The following CLUL1 variants were observed in gnomAD, a reference collection of about 807,000 sequenced individuals.
CLUL1 encodes the protein clusterin like 1, also known as clusterin-like protein 1.
CLUL1 carries 43 observed loss-of-function variants against 49.4 expected under a neutral mutation model. The ratio of observed to expected loss-of-function variants is 0.87; its 90% confidence interval spans 0.68 to 1.12. CLUL1 has a LOEUF of 1.12. CLUL1 is among the 50% of genes most tolerant of loss of function. The pLI is 0.00. For synonymous variants in CLUL1, 192 were observed against 184.9 expected (o/e 1.04, Z -0.31); for missense variants, 486 against 544.4 (o/e 0.89, Z 1.07).
At chr18:621,510 A>G (rs537971911) in intron 4 of CLUL1, among the ~76,000 whole-genome samples, 1 of 152,304 alleles carries the variant, frequency 6.6e-6, no homozygotes, top group African/African-American at 2.4e-5. Context: ...GATTTTGAGG[A>G]AATCTAAAAT....
At chr18:617,287 T>A (rs1249276197) in intron 2 of CLUL1, among the ~76,000 whole-genome samples, 1 of 152,122 alleles carries the variant, frequency 6.6e-6, no homozygotes, top group Non-Finnish European at 1.5e-5. Context: ...AAAACTCACT[T>A]GAGAACATAG....
intron 4 of CLUL1, among the ~76,000 whole-genome samples, chr18:622,507 A>C (rs1212291426): frequency 6.6e-6 from 1 of 152,196 alleles, no homozygotes; most frequent in East Asian, 1.9e-4. Context: ...ATAGGAATAG[A>C]GTTATAAGCG....
chr18:633,453 TG>T lies in CLUL1; in HGVS notation c.994+19del. Reference sequence around the variant, plus strand: ...ATCTGAAGGTAAATAATTGCTATTTTGTTTTTTATTCTACTTTAAGTTCTCA... The same window carrying T: ...ATCTGAAGGTAAATAATTGCTATTTTTTTTTTATTCTACTTTAAGTTCTCA... On this transcript the variant is annotated intron_variant, in intron 7 of 9. Transcript: ENST00000692774. 6.2e-7 allele frequency: 1 copy of T among 1,605,584 alleles called. No homozygotes were observed. The highest frequency in any genetic ancestry group is 8.5e-7 in the Non-Finnish European group (1 of 1,173,936).
chr18:636,979 GTTTTGT>G (rs2074158120), intron 7 of CLUL1, among the ~76,000 whole-genome samples: 2 of 146,088 alleles, frequency 1.4e-5, no homozygotes, highest in Non-Finnish European at 3.0e-5. Context: ...TTTTTGTTTT[GTTTTGT>G]TTTTGTTTTT....
intron 2 of CLUL1, among the ~76,000 whole-genome samples, chr18:607,823 G>C (rs2073022203): frequency 6.6e-6 from 1 of 152,120 alleles, no homozygotes; most frequent in Non-Finnish European, 1.5e-5. Context: ...CAGCCTCCTT[G>C]AGTAGCTGGG....
chr18:611,161 G>A (rs2073122778), intron 2 of CLUL1, among the ~76,000 whole-genome samples: 1 of 150,776 alleles, frequency 6.6e-6, no homozygotes. Context: ...AGAGCCCTGT[G>A]CCACCTATTA....
intron 6 of CLUL1, among the ~76,000 whole-genome samples, chr18:630,148 A>G (rs1057414976): frequency 3.0e-4 from 46 of 152,164 alleles, no homozygotes; most frequent in African/African-American, 1.0e-3. Flanking sequence ...TTGCTCTGTC[A>G]CCCAGGCTGG....
chr18:627,451 G>A lies in CLUL1; in HGVS notation c.778G>A (p.Val260Ile). 1 of 1,613,822 alleles carries A rather than the reference G, an allele frequency of 6.2e-7. No individual in the cohort carries two copies. The highest frequency in any genetic ancestry group is 8.5e-7 in the Non-Finnish European group (1 of 1,179,726). The change falls in exon 6 of 10, where the codon GTC (valine) becomes ATC (isoleucine). Residue 260 changes from valine (V) to isoleucine (I), a missense_variant. Transcript: ENST00000692774. ...NFFQLFCNFS[V>I]SIYESVSETI... ...CTTCCAGCTGTTTTGTAATTTCAGTGTCTCTATTTATGAAAGTGTCAGTGA... is the reference window on the plus strand; with the variant it reads ...CTTCCAGCTGTTTTGTAATTTCAGTATCTCTATTTATGAAAGTGTCAGTGA...
intron 2 of CLUL1, chr18:614,781 T>A (rs1466348133): frequency 6.6e-6 from 1 of 152,240 alleles, no homozygotes; most frequent in East Asian, 1.9e-4. Context: ...ACCACTGTCA[T>A]TGTATCCTGG....
chr18:627,422 A>G lies in CLUL1; in HGVS notation c.749A>G (p.Asn250Ser). The G allele has an allele frequency of 6.2e-7, 1 of 1,614,078 alleles. No individual in the cohort carries two copies. Among genetic ancestry groups the G allele is most frequent in the Non-Finnish European group, 8.5e-7 (1 of 1,179,934 alleles). ...ADLEQCWDIP[N>S]FFQLFCNFSV... ...CTTGAGCAATGTTGGGACATTCCCA[A>G]CTTCTTCCAGCTGTTTTGTAATTTC... Residue 250 changes from asparagine to serine, a missense_variant, in exon 6 of 10, where the codon AAC (asparagine) becomes AGC (serine). Physicochemically the swap from Asn to Ser is conservative, Grantham distance 46 (BLOSUM62 1). Transcript: ENST00000692774.
At chr18:631,313 G>T (rs1243657315) in intron 6 of CLUL1, among the ~76,000 whole-genome samples, 1 of 152,114 alleles carries the variant, frequency 6.6e-6, no homozygotes, top group Non-Finnish European at 1.5e-5. Flanking sequence ...ATCTTCATTT[G>T]CCTTATGAAT....
At chr18:646,493 G>GACACAC (rs1305065837) in intron 9 of CLUL1, among the ~76,000 whole-genome samples, 1 of 104,412 alleles carries the variant, frequency 9.6e-6, no homozygotes, top group African/African-American at 3.4e-5. Flanking sequence ...AAGACAGATA[G>GACACAC]ATAGACACAC....
chr18:621,460 A>G (rs1312597072), intron 4 of CLUL1, among the ~76,000 whole-genome samples: 2 of 152,220 alleles, frequency 1.3e-5, no homozygotes. Flanking sequence ...ATGCCTGACC[A>G]GCAGCTGCAA....
chr18:620,013 A>AG (rs1213577272), intron 4 of CLUL1, among the ~76,000 whole-genome samples: 2 of 152,076 alleles, frequency 1.3e-5, no homozygotes, highest in African/African-American at 4.8e-5. Flanking sequence ...CCTGGCCCAG[A>AG]GATTTTTGGT....
At chr18:643,613 T>C (rs1045529478) in intron 8 of CLUL1, among the ~76,000 whole-genome samples, 7 of 152,242 alleles carry the variant, frequency 4.6e-5, no homozygotes, top group Non-Finnish European at 5.9e-5. Flanking sequence ...TTGAGTAACA[T>C]AACAGATTTA....
Position 619,261 on chromosome 18 carries a change from C to T in CLUL1, c.155C>T (p.Ala52Val), listed in dbSNP as rs1260843266. The T allele has an allele frequency of 6.2e-7, 1 of 1,613,846 alleles. No homozygotes were observed. Among genetic ancestry groups the T allele is most frequent in the Admixed American group, 1.7e-5 (1 of 59,978 alleles). Reference protein sequence around the residue: ...EIDADEEVKKALTGIKQMKIM... With the variant: ...EIDADEEVKKVLTGIKQMKIM... ...GATGCAGATGAAGAGGTGAAGAAGG[C>T]TTTGACTGGTATTAAGCAAATGAAA... Residue 52 changes from alanine (A) to valine (V), a missense_variant, in exon 4 of 10, where the codon GCT becomes GTT. Physicochemically the swap from Ala to Val is moderately conservative, Grantham distance 64 (BLOSUM62 0). Transcript: ENST00000692774.
chr18:648,430 A>G (rs1399619509), intron 9 of CLUL1, among the ~76,000 whole-genome samples: 1 of 152,182 alleles, frequency 6.6e-6, no homozygotes, highest in Non-Finnish European at 1.5e-5. Context: ...CAACTACCAA[A>G]CATTTAGACG....
chr18:617,958 A>G (rs774018504), intron 2 of CLUL1, 30 bp from the exon 3 acceptor site: 55 of 1,583,870 alleles, frequency 3.5e-5, no homozygotes, highest in Non-Finnish European at 4.6e-5. Context: ...AATGGAAGAC[A>G]TTTGATGCGG....
At chr18:644,744 T>G (rs1033896274) in intron 8 of CLUL1, among the ~76,000 whole-genome samples, 166 bp from the exon 9 acceptor site, 1 of 152,200 alleles carries the variant, frequency 6.6e-6, no homozygotes, top group African/African-American at 2.4e-5. Context: ...AATGGACACA[T>G]AACATGAACA....
Sources: allele counts gnomAD v4.1 joint callset (sites outside exome capture counted in the v4.1 genomes callset), GRCh38; gene constraint gnomAD v4.1.1; transcripts MANE v1.5; gene names NCBI Gene and HGNC (gene_info 2026-07-23, HGNC 2026-07-21).